The following FRMD4A variants were observed in gnomAD, a reference collection of about 807,000 sequenced individuals.
FRMD4A encodes the protein FERM domain containing 4A.
Under a neutral mutation model 129.1 loss-of-function variants are expected in FRMD4A, and 29 were observed. The observed-to-expected ratio is 0.22, with a 90% CI of 0.17 to 0.31. The LOEUF is 0.31. Ranked by LOEUF, FRMD4A falls within the 10% of genes least tolerant of loss-of-function variation. The pLI, the probability that FRMD4A is intolerant of heterozygous loss-of-function variation, is 1.00. For synonymous variants in FRMD4A, 634 were observed against 571.6 expected (o/e 1.11, Z -1.56); for missense variants, 1,272 against 1,375.8 (o/e 0.92, Z 1.19).
chr10:14,205,937 G>T (rs747676350), intron 2 of FRMD4A, among the ~76,000 whole-genome samples: 1 of 151,724 alleles, frequency 6.6e-6, no homozygotes, highest in Non-Finnish European at 1.5e-5. Context: ...TCCCCTTCTC[G>T]TCGTGGTATG....
intron 3 of FRMD4A, among the ~76,000 whole-genome samples, chr10:13,834,443 A>G (rs1032275092): frequency 7.2e-5 from 11 of 152,182 alleles, no homozygotes; most frequent in Non-Finnish European, 1.3e-4. Context: ...ACATGAGCAC[A>G]GTCCTTTGTG....
chr10:13,707,681 C>A, intron 12 of FRMD4A: 6 of 985,728 alleles, frequency 6.1e-6, no homozygotes, highest in Non-Finnish European at 7.2e-6. Context: ...GCGGAGGAGG[C>A]TGGGACCTTA....
chr10:13,656,727 G>T lies in FRMD4A; in HGVS notation c.2862C>A (p.Asp954Glu), dbSNP rs765521655. The T allele has an allele frequency of 6.3e-7, 1 of 1,592,256 alleles. No homozygotes were observed. Among genetic ancestry groups the T allele is most frequent in the East Asian group, 2.4e-5 (1 of 42,410 alleles). ...RLSHTSSTSS[D>E]SGSQYSTSSQ... ...AGGAGGTGCTGTACTGCGAGCCGCT[G>T]TCCGAGGAGGTGGAGCTGGTGTGCG... The change falls in exon 22 of 25, where the codon GAC becomes GAA. Residue 954 changes from aspartate (D) to glutamate (E), a missense_variant. By Grantham distance (45) the Asp-to-Glu change is conservative (BLOSUM62 2). Coordinates refer to ENST00000357447, the MANE Select transcript of FRMD4A (RefSeq NM_018027.5).
intron 2 of FRMD4A, among the ~76,000 whole-genome samples, chr10:14,090,361 A>C (rs1386552990): frequency 1.3e-5 from 2 of 152,238 alleles, no homozygotes; most frequent in African/African-American, 4.8e-5. Context: ...TTAGGAGCGT[A>C]ATTGGTAAAT....
intron 12 of FRMD4A, among the ~76,000 whole-genome samples, chr10:13,710,985 G>A (rs2087957966): frequency 6.6e-6 from 1 of 152,232 alleles, no homozygotes; most frequent in Admixed American, 6.5e-5. Context: ...CTGTACTCCA[G>A]CCTGGGCGAC....
intron 2 of FRMD4A, among the ~76,000 whole-genome samples, chr10:14,188,226 C>T (rs1164052642): frequency 5.3e-5 from 8 of 152,146 alleles, no homozygotes; most frequent in African/African-American, 1.9e-4. Context: ...TCAAGTCAAC[C>T]TTTCTGGACG....
chr10:13,996,508 T>C (rs1236264370), intron 2 of FRMD4A, among the ~76,000 whole-genome samples: 2 of 152,220 alleles, frequency 1.3e-5, no homozygotes, highest in Admixed American at 6.5e-5. Context: ...AGGGCTCCTG[T>C]ACCACTTGTC....
intron 2 of FRMD4A, among the ~76,000 whole-genome samples, chr10:13,911,770 T>A (rs1486227365): frequency 6.6e-6 from 1 of 152,102 alleles, no homozygotes; most frequent in Admixed American, 6.5e-5. Context: ...CTGTGTTACC[T>A]AGGGTGGTCT....
intron 2 of FRMD4A, among the ~76,000 whole-genome samples, chr10:14,023,655 G>A (rs952994722): frequency 6.6e-6 from 1 of 152,200 alleles, no homozygotes; most frequent in Admixed American, 6.5e-5. Context: ...CCTGAGAAAA[G>A]TACTGGAAGA....
intron 2 of FRMD4A, among the ~76,000 whole-genome samples, chr10:14,207,480 G>C (rs1295025421): frequency 6.6e-6 from 1 of 152,018 alleles, no homozygotes; most frequent in Admixed American, 6.5e-5. Context: ...GGGACCCCCT[G>C]GTCTATAGTA....
At position 14,090,002 on chromosome 10, in the gene FRMD4A, C is replaced by G. The variant is rs77056867; in HGVS notation, c.46-231090G>C. On this transcript the variant is annotated intron_variant, in intron 2 of 24. Coordinates refer to ENST00000357447, the MANE Select transcript of FRMD4A (RefSeq NM_018027.5). ...ATATTCTCTAGAAGAGAGGAGAACT[C>G]TAGAATGGATGGCAGCACTCTGAGT... is the stretch of plus-strand genomic sequence containing the variant. Among the ~76,000 whole-genome samples the G allele has an allele frequency of 3.9e-5, 6 of 152,300 alleles. No individual in the cohort carries two copies. In the East Asian group the frequency reaches 9.6e-4, roughly 24 times the overall value.
intron 3 of FRMD4A, among the ~76,000 whole-genome samples, chr10:13,855,176 A>G (rs1564918075): frequency 6.6e-6 from 1 of 152,152 alleles, no homozygotes; most frequent in Non-Finnish European, 1.5e-5. Flanking sequence ...TCTGCAACCC[A>G]AAGAAGGGAA....
Position 13,780,697 on chromosome 10 carries a change from G to A in FRMD4A, c.384+2225C>T, listed in dbSNP as rs112774191. On this transcript the variant is annotated intron_variant, in intron 6 of 24. Transcript: ENST00000357447. ...AAAATAGAAAATAACAAATGTTGGAGAGGATGTGGAGAAACTGGAACCCTT... is the reference window on the plus strand; with the variant it reads ...AAAATAGAAAATAACAAATGTTGGAAAGGATGTGGAGAAACTGGAACCCTT... 9.7e-3 allele frequency among the ~76,000 whole-genome samples: 1,472 copies of A among 152,294 alleles called. 26 individuals carry two copies. Among genetic ancestry groups the A allele is most frequent in the African/African-American group, 0.033 (1,391 of 41,562 alleles).
At chr10:14,205,014 C>T (rs557778342) in intron 2 of FRMD4A, among the ~76,000 whole-genome samples, 1 of 151,762 alleles carries the variant, frequency 6.6e-6, no homozygotes, top group Admixed American at 6.6e-5. Flanking sequence ...CTGCCTTAAC[C>T]CTTCCTTACC....
At chr10:14,240,222 C>T (rs561066985) in intron 2 of FRMD4A, among the ~76,000 whole-genome samples, 1 of 152,178 alleles carries the variant, frequency 6.6e-6, no homozygotes, top group Admixed American at 6.5e-5. Context: ...TAAATCTAAC[C>T]CTGTCACACA....
At chr10:14,301,157 T>C (rs1342849996) in intron 2 of FRMD4A, among the ~76,000 whole-genome samples, 1 of 152,242 alleles carries the variant, frequency 6.6e-6, no homozygotes, top group Non-Finnish European at 1.5e-5. Context: ...GTAACATTGG[T>C]CCTGACTCCA....
At chr10:14,248,342 A>C (rs923641706) in intron 2 of FRMD4A, among the ~76,000 whole-genome samples, 2 of 152,252 alleles carry the variant, frequency 1.3e-5, no homozygotes, top group African/African-American at 4.8e-5. Context: ...TCCGTTGCAC[A>C]TGCATATTTA....
intron 12 of FRMD4A, among the ~76,000 whole-genome samples, chr10:13,727,300 A>T (rs1588447299): frequency 6.6e-6 from 1 of 152,148 alleles, no homozygotes; most frequent in Non-Finnish European, 1.5e-5. Flanking sequence ...TGCAGCACCG[A>T]CCAGCCTCTT....
intron 2 of FRMD4A, among the ~76,000 whole-genome samples, chr10:14,133,141 G>A (rs1239251167): frequency 1.3e-5 from 2 of 152,152 alleles, no homozygotes; most frequent in Non-Finnish European, 2.9e-5. Flanking sequence ...TTTCAATTTA[G>A]CACATGATGA....
Sources: gnomAD v4.1 joint callset for allele counts (sites outside exome capture counted in the v4.1 genomes callset) on GRCh38, gnomAD v4.1.1 for gene constraint, MANE v1.5 for transcripts, NCBI Gene and HGNC (gene_info 2026-07-23, HGNC 2026-07-21) for gene names.